GALNTL6: variants seen among roughly 807,000 people sequenced by gnomAD.
GALNTL6 encodes the protein polypeptide N-acetylgalactosaminyltransferase-like 6.
Under a neutral mutation model 73.7 loss-of-function variants are expected in GALNTL6, and 46 were observed. The observed-to-expected ratio is 0.62, with a 90% confidence interval of 0.49 to 0.80. The LOEUF (loss-of-function observed/expected upper bound fraction) is 0.80, where lower values mean the gene tolerates loss of function less well. GALNTL6 is among the 30% of genes least tolerant of loss of function. GALNTL6 has a pLI of 0.00. For synonymous variants in GALNTL6, 259 were observed against 263.7 expected, an observed-to-expected ratio of 0.98 and a Z score of 0.17; for missense variants, 604 against 755.0, an observed-to-expected ratio of 0.80 and a Z score of 2.34.
chr4:172,593,298 G>A (rs1053575255), intron 5 of GALNTL6, among the ~76,000 whole-genome samples: 1 of 152,086 alleles, frequency 6.6e-6, no homozygotes, highest in South Asian at 2.1e-4. Context: ...GCTCCATCAT[G>A]AACACAGCCT....
intron 5 of GALNTL6, among the ~76,000 whole-genome samples, chr4:172,370,361 A>T (rs1742750749): frequency 6.6e-6 from 1 of 152,154 alleles, no homozygotes; most frequent in African/African-American, 2.4e-5. Context: ...TAGAAAGGGG[A>T]GAAGCCATGT....
chr4:172,737,891 T>G (rs1736564214), intron 5 of GALNTL6, among the ~76,000 whole-genome samples: 1 of 152,148 alleles, frequency 6.6e-6, no homozygotes, highest in African/African-American at 2.4e-5. Context: ...ATTGGGAAGG[T>G]CCCAAAAGTA....
intron 5 of GALNTL6, among the ~76,000 whole-genome samples, chr4:172,796,457 A>T (rs1416431756): frequency 6.6e-6 from 1 of 152,226 alleles, no homozygotes; most frequent in Non-Finnish European, 1.5e-5. Context: ...ATCATGTCTG[A>T]CAATATCATA....
At chr4:172,779,858 T>G (rs1421152010) in intron 5 of GALNTL6, among the ~76,000 whole-genome samples, 1 of 152,172 alleles carries the variant, frequency 6.6e-6, no homozygotes, top group East Asian at 1.9e-4. Flanking sequence ...AGAGATTTTT[T>G]TTTCCCCTTA....
At chr4:171,946,532 G>C (rs1431024475) in intron 2 of GALNTL6, among the ~76,000 whole-genome samples, 1 of 152,162 alleles carries the variant, frequency 6.6e-6, no homozygotes, top group Non-Finnish European at 1.5e-5. Flanking sequence ...GCTGCGTATT[G>C]CACAGTAGGC....
At chr4:172,291,001 T>C (rs551195767) in intron 3 of GALNTL6, among the ~76,000 whole-genome samples, 1 of 152,056 alleles carries the variant, frequency 6.6e-6, no homozygotes, top group South Asian at 2.1e-4. Context: ...GTATACATGA[T>C]AAATCTGAAA....
chr4:172,769,569 C>A (rs1457214949), intron 5 of GALNTL6, among the ~76,000 whole-genome samples: 1 of 152,130 alleles, frequency 6.6e-6, no homozygotes, highest in Admixed American at 6.5e-5. Context: ...GGGAGATCCT[C>A]AAAAGGAAGA....
At chr4:172,855,923 A>C (rs1744101335) in intron 7 of GALNTL6, among the ~76,000 whole-genome samples, 1 of 152,150 alleles carries the variant, frequency 6.6e-6, no homozygotes, top group Non-Finnish European at 1.5e-5. Context: ...ACATAGGTCA[A>C]CTTGTTTCGA....
At chr4:172,533,402 G>A (rs1273586613) in intron 5 of GALNTL6, among the ~76,000 whole-genome samples, 1 of 117,302 alleles carries the variant, frequency 8.5e-6, no homozygotes, top group South Asian at 2.9e-4. Context: ...TTGGCTTACT[G>A]CAACCTCCGC....
At chr4:172,467,810 C>A (rs1732879003) in intron 5 of GALNTL6, among the ~76,000 whole-genome samples, 1 of 20,970 alleles carries the variant, frequency 4.8e-5, no homozygotes. Context: ...TTTACATTTT[C>A]TTTCTTTCTT....
chr4:172,336,276 T>TTG (rs1741317494), intron 4 of GALNTL6, among the ~76,000 whole-genome samples: 1 of 132,542 alleles, frequency 7.5e-6, no homozygotes, highest in African/African-American at 2.9e-5. Context: ...TTTTGTTTTG[T>TTG]TTTTTTTTTT....
At chr4:172,103,571 C>T (rs552623225) in intron 2 of GALNTL6, among the ~76,000 whole-genome samples, 2 of 152,330 alleles carry the variant, frequency 1.3e-5, no homozygotes, top group South Asian at 4.1e-4. Flanking sequence ...CACAATCTAT[C>T]TGTAGACAAC....
intron 2 of GALNTL6, among the ~76,000 whole-genome samples, chr4:172,156,646 G>T (rs1006228361): frequency 6.8e-6 from 1 of 147,694 alleles, no homozygotes; most frequent in Admixed American, 6.8e-5. Context: ...ACTGTGAAAC[G>T]ACATGGAAAT....
rs142370775 is a variant in GALNTL6 at position 172,389,332 on chromosome 4, A to G, written c.553+40643A>G. Among the ~76,000 whole-genome samples, 110 of 152,214 alleles carry G rather than the reference A, an allele frequency of 7.2e-4. 1 individual carries two copies. Among genetic ancestry groups the G allele is most frequent in the Non-Finnish European group, 1.2e-3 (84 of 67,944 alleles). Reference sequence around the variant, plus strand: ...AGAAAGATATAATTAAAGTAAGACTAGAAATCATTGATGTAGGAAAAAAAA... The same window carrying G: ...AGAAAGATATAATTAAAGTAAGACTGGAAATCATTGATGTAGGAAAAAAAA... On this transcript the variant is annotated intron_variant, in intron 5 of 12. Coordinates refer to ENST00000506823, the MANE Select transcript of GALNTL6 (RefSeq NM_001034845.3).
intron 5 of GALNTL6, among the ~76,000 whole-genome samples, chr4:172,737,189 G>A (rs1731259637): frequency 6.6e-6 from 1 of 152,154 alleles, no homozygotes. Context: ...TAGTTTCTTT[G>A]AATAGGCTTT....
chr4:171,992,944 A>G (rs1220461705), intron 2 of GALNTL6, among the ~76,000 whole-genome samples: 1 of 151,950 alleles, frequency 6.6e-6, no homozygotes, highest in Non-Finnish European at 1.5e-5. Context: ...CTTACATTTC[A>G]CTGTTTTTCC....
At chr4:172,532,986 C>T (rs1225680909) in intron 5 of GALNTL6, among the ~76,000 whole-genome samples, 2 of 151,216 alleles carry the variant, frequency 1.3e-5, no homozygotes, top group Non-Finnish European at 2.9e-5. Context: ...TTGAATATCA[C>T]TGTTTAAAAA....
intron 11 of GALNTL6, among the ~76,000 whole-genome samples, chr4:173,013,684 A>T (rs1296178349): frequency 1.3e-5 from 2 of 151,878 alleles, no homozygotes; most frequent in Non-Finnish European, 2.9e-5. Context: ...CAGAAAGACC[A>T]GTTAATACAG....
chr4:172,188,847 C>G (rs908605681), intron 2 of GALNTL6, among the ~76,000 whole-genome samples: 1 of 152,030 alleles, frequency 6.6e-6, no homozygotes, highest in Non-Finnish European at 1.5e-5. Flanking sequence ...TGACAGAAAG[C>G]AACTTTGCTA....
Sources: allele counts gnomAD v4.1 joint callset (sites outside exome capture counted in the v4.1 genomes callset), GRCh38; gene constraint gnomAD v4.1.1; transcripts MANE v1.5; gene names NCBI Gene and HGNC (gene_info 2026-07-23, HGNC 2026-07-21).